The following FRMD8 variants were observed in gnomAD, a reference collection of about 807,000 sequenced individuals.
FRMD8 encodes FERM domain containing 8.
Under a neutral mutation model 54.2 loss-of-function variants are expected in FRMD8, and 37 were observed. That is an observed-to-expected ratio of 0.68 (90% CI 0.53 to 0.90). The LOEUF (loss-of-function observed/expected upper bound fraction) is 0.90. Among genes scored for constraint, FRMD8 ranks in the 40% least tolerant of loss-of-function variants. FRMD8 has a pLI of 0.00. For synonymous variants in FRMD8, 246 were observed against 286.9 expected (o/e 0.86, Z 1.44); for missense variants, 585 against 653.7 (o/e 0.89, Z 1.15).
chr11:65,371,371 G>A, the FRMD8 span, among the ~76,000 whole-genome samples: 1 of 152,132 alleles, frequency 6.6e-6, no homozygotes, highest in Non-Finnish European at 1.5e-5. Flanking sequence ...TATGACGCTG[G>A]ACAACAGGAG....
chr11:65,376,141 CA>C, the FRMD8 span: 82 of 552,280 alleles, frequency 1.5e-4, no homozygotes, highest in African/African-American at 1.5e-3. Context: ...CACCACTTGC[CA>C]GCTCACTTGT....
At chr11:65,373,301 C>T in the FRMD8 span, among the ~76,000 whole-genome samples, 1 of 152,356 alleles carries the variant, frequency 6.6e-6, no homozygotes, top group African/African-American at 2.4e-5. Context: ...TGCCTCAAGG[C>T]ACCTGGGAAC....
chr11:65,378,979 C>T, the FRMD8 span: 1 of 231,384 alleles, frequency 4.3e-6, no homozygotes, highest in African/African-American at 2.4e-5. Context: ...AGGACCTCAT[C>T]AGGACCCGGC....
chr11:65,376,733 A>G, the FRMD8 span: 1 of 1,613,598 alleles, frequency 6.2e-7, no homozygotes. Context: ...TCCTCCCCAG[A>G]CCCTAGTTTC....
chr11:65,403,684 T>C (rs79979431), intron 9 of FRMD8, among the ~76,000 whole-genome samples: 6,165 of 152,324 alleles, frequency 0.04, 463 homozygotes, highest in African/African-American at 0.14. Flanking sequence ...AGTGGGATTT[T>C]GCTGTGGGTT....
chr11:65,402,008 T>C (rs1185030977), intron 9 of FRMD8, among the ~76,000 whole-genome samples: 2 of 152,104 alleles, frequency 1.3e-5, no homozygotes, highest in Non-Finnish European at 2.9e-5. Context: ...TCAATGTTCA[T>C]GTTCGTGTTT....
chr11:65,406,563 C>T (rs1374507766), intron 10 of FRMD8, among the ~76,000 whole-genome samples: 1 of 149,282 alleles, frequency 6.7e-6, no homozygotes. Flanking sequence ...TTCCTGTCCT[C>T]GTGATCCACC....
At chr11:65,398,287 C>G (rs748881161) in intron 7 of FRMD8, among the ~76,000 whole-genome samples, 1 of 152,244 alleles carries the variant, frequency 6.6e-6, no homozygotes, top group Non-Finnish European at 1.5e-5. Context: ...CATGAGCCAC[C>G]GTGCCTGGCT....
intron 10 of FRMD8, among the ~76,000 whole-genome samples, chr11:65,405,384 G>A (rs141872662): frequency 0.013 from 1,950 of 152,344 alleles, 52 homozygotes; most frequent in African/African-American, 0.046. Context: ...CACTTTGGGA[G>A]GCCAAGGCAG....
intron 10 of FRMD8, among the ~76,000 whole-genome samples, chr11:65,405,505 C>G (rs2137929850): frequency 6.6e-6 from 1 of 152,286 alleles, no homozygotes; most frequent in East Asian, 1.9e-4. Context: ...CGCCTGTAAT[C>G]CCAGCTACTC....
At chr11:65,385,920 CCG>C (rs963005702), upstream of FRMD8, among the ~76,000 whole-genome samples, 1 of 152,096 alleles carries the variant, frequency 6.6e-6, no homozygotes, top group African/African-American at 2.4e-5. Context: ...CTCAGCCTTC[CCG>C]CGTAGCTGGG....
In FRMD8 at chr11:65,399,991, T is replaced by C. The variant is rs150266879; in HGVS notation, c.927+132T>C. On this transcript the variant is annotated intron_variant, in intron 8 of 10. Coordinates refer to ENST00000317568, the MANE Select transcript of FRMD8 (RefSeq NM_031904.5). Reference sequence around the variant, plus strand: ...CTGTCTGGGAGGGACCCTGCCTCCGTTGGATGTCCTCGTAGCCCCTGAGGG... The same window carrying C: ...CTGTCTGGGAGGGACCCTGCCTCCGCTGGATGTCCTCGTAGCCCCTGAGGG... The C allele has an allele frequency of 2.9e-3, 3,097 of 1,082,802 alleles. 4 individuals are homozygous for C. Among genetic ancestry groups the C allele is most frequent in the Non-Finnish European group, 3.6e-3 (2,747 of 761,940 alleles). The allele number at this position is 1,082,802 out of a possible 1,614,324, so 67.1% of individuals were successfully genotyped here. A position where few individuals can be genotyped will look rare whatever the true frequency, so the allele number is the denominator to read the frequency against.
Position 65,400,763 on chromosome 11 carries a change from G to A in FRMD8, c.967G>A (p.Asp323Asn). 1.2e-6 allele frequency: 2 copies of A among 1,609,918 alleles called. No individual in the cohort carries two copies. The highest frequency in any genetic ancestry group is 1.7e-6 in the Non-Finnish European group (2 of 1,178,664). Residue 323 changes from aspartate (D) to asparagine (N), a missense_variant, in exon 9 of 11, where the codon GAC becomes AAC. Transcript: ENST00000317568. This position sits in a 1 kb window ranked among gnomAD's most constrained non-coding sequence, Gnocchi z 4.3. ...CCTGCGCTTCCAGGAGCTGTCGTGG[G>A]ACCACACCTCCCCCGAGGAGGAGGA... ...LGLRFQELSW[D>N]HTSPEEEEPI...
At chr11:65,399,634 A>G in intron 7 of FRMD8, 102 bp from the exon 8 acceptor site, 1 of 1,444,494 alleles carries the variant, frequency 6.9e-7, no homozygotes, top group Non-Finnish European at 9.4e-7. Context: ...GGTTTCAGTC[A>G]CCCAAACAGC....
intron 3 of FRMD8, among the ~76,000 whole-genome samples, chr11:65,392,963 AAGG>A (rs1257406991): frequency 6.6e-5 from 10 of 152,304 alleles, no homozygotes; most frequent in Admixed American, 5.9e-4. Context: ...GGGATGATTT[AAGG>A]AGATTTAAGA....
At position 65,400,506 on chromosome 11, in the gene FRMD8, GT is replaced by G. The variant is rs1302889391; in HGVS notation, c.928-217del. Among the ~76,000 whole-genome samples, 1 of 152,210 alleles carries G rather than the reference GT, an allele frequency of 6.6e-6. No homozygotes were observed. The highest frequency in any genetic ancestry group is 1.9e-4 in the East Asian group (1 of 5,204). On this transcript the variant is annotated intron_variant, in intron 8 of 10. Transcript: ENST00000317568. This position sits in a 1 kb window ranked among gnomAD's most constrained non-coding sequence, Gnocchi z 4.3. ...CCGCTGTCAGGGGCTTGGCCTGCTG[GT>G]GGGACTGTTGTGGGAGAGGGGATCT...
At chr11:65,382,249 G>A (rs1855610696), upstream of FRMD8, 4 of 490,828 alleles carry the variant, frequency 8.1e-6, no homozygotes, top group East Asian at 1.4e-4. This position sits in a 1 kb window ranked among gnomAD's most constrained non-coding sequence, Gnocchi z 4.4. Flanking sequence ...GATGGCAACT[G>A]GGTTCCTGCC....
chr11:65,394,506 T>A, intron 6 of FRMD8, 81 bp downstream of exon 6: 4 of 1,478,424 alleles, frequency 2.7e-6, no homozygotes, highest in Non-Finnish European at 3.6e-6. Context: ...CAGTCTTCAG[T>A]CTCGCAAGGT....
At chr11:65,379,776 G>A in the FRMD8 span, 2 of 1,526,670 alleles carry the variant, frequency 1.3e-6, no homozygotes, top group Non-Finnish European at 1.8e-6. Flanking sequence ...TCTCCTCCAG[G>A]AGCAGAACCC....
Sources: allele counts gnomAD v4.1 joint callset (sites outside exome capture counted in the v4.1 genomes callset), GRCh38; gene constraint gnomAD v4.1.1; non-coding constraint Gnocchi (gnomAD v3.1); transcripts MANE v1.5; gene names NCBI Gene and HGNC (gene_info 2026-07-23, HGNC 2026-07-21).